KCNMA1: variants seen among roughly 807,000 people sequenced by gnomAD.
KCNMA1 encodes potassium calcium-activated channel subfamily M alpha 1, also known as Calcium-activated potassium channel subunit alpha-1.
A neutral mutation model predicts 140.0 loss-of-function variants in KCNMA1; 29 were observed. The observed-to-expected ratio is 0.21, with a 90% CI of 0.15 to 0.28. The LOEUF (loss-of-function observed/expected upper bound fraction) is 0.28. KCNMA1 is among the 10% of genes least tolerant of loss of function. The probability of loss-of-function intolerance (pLI) is 1.00; values close to 1 mark genes in which losing one functional copy is unlikely to be tolerated. For missense variants in KCNMA1, 880 were observed against 1,602.2 expected, an observed-to-expected ratio of 0.55 and a Z score of 7.70; for synonymous variants, 612 against 611.9, an observed-to-expected ratio of 1.00 and a Z score of 0.00.
chr10:77,636,877 C>T lies in KCNMA1; in HGVS notation c.378+388G>A, dbSNP rs2093801219. On this transcript the variant is annotated intron_variant, in intron 1 of 27. Coordinates refer to ENST00000286628, the MANE Select transcript of KCNMA1 (RefSeq NM_001161352.2). ...CAGGAGCCGAGCCCCGGCAGGTGAG[C>T]GGTGCAAAACACGCACCCAGCTGCC... The T allele has an allele frequency of 5.6e-6, 8 of 1,424,786 alleles. No homozygotes were observed. In the South Asian group the frequency reaches 1.1e-4, roughly 19 times the overall value. 88.3% of individuals were successfully genotyped at this position (1,424,786 alleles called of 1,614,324 possible). A position where few individuals can be genotyped will look rare whatever the true frequency, so the allele number is the denominator to read the frequency against.
intron 5 of KCNMA1, among the ~76,000 whole-genome samples, chr10:77,136,059 T>C (rs2098015265): frequency 1.3e-5 from 2 of 152,242 alleles, no homozygotes; most frequent in South Asian, 4.1e-4. Context: ...AATGAAATAG[T>C]CTTATAATTC....
At chr10:77,031,406 C>A (rs1398400973) in intron 15 of KCNMA1, among the ~76,000 whole-genome samples, 1 of 152,212 alleles carries the variant, frequency 6.6e-6, no homozygotes. Flanking sequence ...ACAGTTCCCA[C>A]CACTCTCTAT....
At chr10:77,300,662 C>A (rs1328836804) in intron 2 of KCNMA1, among the ~76,000 whole-genome samples, 2 of 152,158 alleles carry the variant, frequency 1.3e-5, no homozygotes, top group Non-Finnish European at 1.5e-5. Context: ...AAAATATGGT[C>A]TTTTAATTAC....
chr10:76,928,254 T>TACACACAC (rs57777811), intron 23 of KCNMA1, among the ~76,000 whole-genome samples: 4 of 144,724 alleles, frequency 2.8e-5, no homozygotes, highest in East Asian at 2.0e-4. Flanking sequence ...TTCAGAAAAA[T>TACACACAC]ACACACACAC....
intron 14 of KCNMA1, among the ~76,000 whole-genome samples, chr10:77,045,280 T>A (rs61868827): frequency 0.059 from 9,013 of 152,274 alleles, 374 homozygotes; most frequent in Non-Finnish European, 0.09. Context: ...TTGCCAGCCA[T>A]TCAGCAATCA....
chr10:77,040,735 T>C (rs2094618886), intron 14 of KCNMA1, among the ~76,000 whole-genome samples: 1 of 152,238 alleles, frequency 6.6e-6, no homozygotes, highest in Non-Finnish European at 1.5e-5. Context: ...AGTATATTTC[T>C]ACTTTGCACA....
intron 2 of KCNMA1, among the ~76,000 whole-genome samples, chr10:77,348,298 A>G (rs1159060323): frequency 6.6e-6 from 1 of 152,212 alleles, no homozygotes; most frequent in Non-Finnish European, 1.5e-5. Flanking sequence ...TAAATAGAAC[A>G]GCCTTCCATT....
rs577625416 is a variant in KCNMA1 at position 77,257,502 on chromosome 10, C to T, written c.541-6246G>A. On this transcript the variant is annotated intron_variant, in intron 2 of 27. Transcript: ENST00000286628. ...CTCATTTCAGACTCCCAAAGTGGAACGGGGAGAGAAAGTGAGAAATGGAAA... is the reference window on the plus strand; with the variant it reads ...CTCATTTCAGACTCCCAAAGTGGAATGGGGAGAGAAAGTGAGAAATGGAAA... 5.3e-5 allele frequency among the ~76,000 whole-genome samples: 8 copies of T among 152,160 alleles called. No individual in the cohort carries two copies. In the South Asian group the frequency reaches 6.2e-4, roughly 12 times the overall value.
intron 2 of KCNMA1, among the ~76,000 whole-genome samples, chr10:77,373,174 C>T (rs1052079436): frequency 6.6e-5 from 10 of 152,228 alleles, no homozygotes; most frequent in Admixed American, 1.3e-4. Flanking sequence ...CCTATGTAAA[C>T]TCATGCTGCC....
At chr10:77,391,209 G>A (rs772119658) in intron 2 of KCNMA1, among the ~76,000 whole-genome samples, 2 of 152,090 alleles carry the variant, frequency 1.3e-5, no homozygotes, top group African/African-American at 4.8e-5. Flanking sequence ...AACAAGGAAG[G>A]CCCAGAAGTT....
At chr10:77,167,191 T>TA (rs1564935819) in intron 5 of KCNMA1, among the ~76,000 whole-genome samples, 2 of 152,074 alleles carry the variant, frequency 1.3e-5, no homozygotes, top group African/African-American at 2.4e-5. Flanking sequence ...GATCCCCTTT[T>TA]TTTTAGCTCC....
Position 77,039,542 on chromosome 10 carries a change from GA to G in KCNMA1, c.1844del (p.Phe615SerfsTer10). 6.3e-7 allele frequency: 1 copy of G among 1,599,016 alleles called. No homozygotes were observed. The highest frequency in any genetic ancestry group is 8.6e-7 in the Non-Finnish European group (1 of 1,166,158). ...YLSSAFVGLS[F>X]PTVCELCFVK... ...AGGTCACTTACTCACAAACAGTAGG[GA>G]AGGACAGACCCACGAAGGCACTGGA... On this transcript the variant is annotated frameshift_variant, in exon 15 of 28. Coordinates refer to ENST00000286628, the MANE Select transcript of KCNMA1 (RefSeq NM_001161352.2). LOFTEE classifies it high-confidence loss of function.
intron 20 of KCNMA1, among the ~76,000 whole-genome samples, chr10:76,967,697 A>C (rs2074479672): frequency 1.3e-5 from 2 of 152,150 alleles, no homozygotes; most frequent in South Asian, 4.1e-4. Flanking sequence ...AAGGGAGACC[A>C]TGGTGGGCTG....
chr10:77,201,830 A>C (rs1288391365), intron 3 of KCNMA1, among the ~76,000 whole-genome samples: 1 of 152,186 alleles, frequency 6.6e-6, no homozygotes, highest in Non-Finnish European at 1.5e-5. Context: ...ACAGCAAAAA[A>C]AAAAAAGTGC....
chr10:77,273,119 T>C (rs2065639094), intron 2 of KCNMA1, among the ~76,000 whole-genome samples: 1 of 152,218 alleles, frequency 6.6e-6, no homozygotes, highest in Non-Finnish European at 1.5e-5. Context: ...AAATATCTTC[T>C]ATAAGGTAGC....
At chr10:77,340,760 T>C (rs2090656884) in intron 2 of KCNMA1, among the ~76,000 whole-genome samples, 1 of 151,572 alleles carries the variant, frequency 6.6e-6, no homozygotes, top group Admixed American at 6.6e-5. Flanking sequence ...ATACCTAATG[T>C]AAATGATGAG....
At position 77,630,313 on chromosome 10, in the gene KCNMA1, A is replaced by G. The variant is rs535861420; in HGVS notation, c.378+6952T>C. ...TAGTTTGGCTGGGTTGCCCTCCTGG[A>G]CTTCGGGAAGTCACACCCTTTGCAG... On this transcript the variant is annotated intron_variant, in intron 1 of 27. Transcript: ENST00000286628. 8.7e-4 allele frequency among the ~76,000 whole-genome samples: 132 copies of G among 152,262 alleles called. 1 individual carries two copies. In the Middle Eastern group the frequency reaches 0.014, roughly 16 times the overall value.
intron 1 of KCNMA1, among the ~76,000 whole-genome samples, chr10:77,490,263 T>A (rs2098516388): frequency 6.6e-6 from 1 of 152,156 alleles, no homozygotes; most frequent in Non-Finnish European, 1.5e-5. Context: ...CCAACTCCCA[T>A]AATGAATCTA....
chr10:76,989,869 C>T (rs1592926918), intron 19 of KCNMA1, among the ~76,000 whole-genome samples: 2 of 151,080 alleles, frequency 1.3e-5, no homozygotes, highest in African/African-American at 2.4e-5. Flanking sequence ...TCCATCAATA[C>T]TATGGGAGAT....
Sources: allele counts gnomAD v4.1 joint callset (sites outside exome capture counted in the v4.1 genomes callset), GRCh38; gene constraint gnomAD v4.1.1; transcripts MANE v1.5; gene names NCBI Gene and HGNC (gene_info 2026-07-23, HGNC 2026-07-21).